Variants in PGAP2 observed in about 807,000 individuals in gnomAD.
PGAP2 encodes the protein acyltransferase PGAP2.
A neutral mutation model predicts 33.2 loss-of-function variants in PGAP2; 21 were observed. The ratio of observed to expected loss-of-function variants is 0.63; its 90% confidence interval spans 0.45 to 0.91. The LOEUF is 0.91. Among genes scored for constraint, PGAP2 ranks in the 40% least tolerant of loss-of-function variants. The probability of loss-of-function intolerance (pLI) is 0.00; values close to 1 mark genes in which losing one functional copy is unlikely to be tolerated. For missense variants in PGAP2, 345 were observed against 424.0 expected (o/e 0.81, Z 1.64); for synonymous variants, 161 against 172.9 (o/e 0.93, Z 0.54).
intron 2 of PGAP2, among the ~76,000 whole-genome samples, chr11:3,815,485 A>C (rs2086808245): frequency 6.6e-6 from 1 of 151,844 alleles, no homozygotes; most frequent in South Asian, 2.1e-4. Context: ...AACTTTTTGT[A>C]TTTTAGTAGT....
At chr11:3,809,005 G>A (rs2085015449) in intron 1 of PGAP2, among the ~76,000 whole-genome samples, 1 of 152,164 alleles carries the variant, frequency 6.6e-6, no homozygotes, top group South Asian at 2.1e-4. Context: ...TTGAGTAAGT[G>A]TTTTGAACCT....
intron 2 of PGAP2, among the ~76,000 whole-genome samples, chr11:3,814,697 GC>G (rs1223713089): frequency 6.6e-6 from 1 of 151,666 alleles, no homozygotes; most frequent in African/African-American, 2.4e-5. Context: ...ACAGGCTTGA[GC>G]CACTGTGCCT....
At chr11:3,808,738 C>A in intron 1 of PGAP2, 87 bp downstream of exon 1, 2 of 658,786 alleles carry the variant, frequency 3.0e-6, no homozygotes, top group African/African-American at 1.9e-5. Flanking sequence ...GGGCCGGGCC[C>A]CACGCTGTGG....
At chr11:3,816,007 A>G (rs2134607455) in intron 2 of PGAP2, among the ~76,000 whole-genome samples, 1 of 152,196 alleles carries the variant, frequency 6.6e-6, no homozygotes, top group South Asian at 2.1e-4. Context: ...TGCCCCCATC[A>G]CTGGCAAAGA....
chr11:3,798,052 C>G, intron 1 of PGAP2: 2 of 1,521,340 alleles, frequency 1.3e-6, no homozygotes, highest in Non-Finnish European at 1.8e-6. Context: ...TCTCTCTGCC[C>G]GCACTTCCCG....
At chr11:3,797,934 G>T (rs897839598) in exon 1 of PGAP2, 2 of 1,548,112 alleles carry the variant, frequency 1.3e-6, no homozygotes, top group Admixed American at 2.0e-5. Context: ...GCCGCGACTC[G>T]GGCTGAGGGA....
intron 1 of PGAP2, among the ~76,000 whole-genome samples, chr11:3,803,538 G>A (rs1014417852): frequency 2.6e-4 from 39 of 149,906 alleles, no homozygotes; most frequent in African/African-American, 9.1e-4. Context: ...AGCAATTCTC[G>A]TTCCTCAGCC....
In PGAP2 at chr11:3,824,394, CG is replaced by C; in HGVS notation, c.708+23del. On this transcript the variant is annotated intron_variant, in intron 5 of 6. Coordinates refer to ENST00000278243, the MANE Select transcript of PGAP2 (RefSeq NM_014489.4). ...GTCAGGAGGTACGGTCTATCCCTAGCGGGGGCTCCAAGGCAGCCCAGAAGAA... is the reference window on the plus strand; with the variant it reads ...GTCAGGAGGTACGGTCTATCCCTAGCGGGGCTCCAAGGCAGCCCAGAAGAA... The C allele has an allele frequency of 6.2e-7, 1 of 1,614,112 alleles. No individual in the cohort carries two copies. The highest frequency in any genetic ancestry group is 1.1e-5 in the South Asian group (1 of 91,084).
chr11:3,810,817 C>G (rs1409513733), intron 1 of PGAP2, among the ~76,000 whole-genome samples: 1 of 152,178 alleles, frequency 6.6e-6, no homozygotes, highest in Non-Finnish European at 1.5e-5. Flanking sequence ...TGATGAGAGG[C>G]CTTGAAGCCT....
chr11:3,799,372 T>C (rs1425430289), intron 1 of PGAP2, among the ~76,000 whole-genome samples: 1 of 151,856 alleles, frequency 6.6e-6, no homozygotes, highest in Non-Finnish European at 1.5e-5. Flanking sequence ...ACCCTGTCTC[T>C]ACTAAGAATA....
chr11:3,820,176 C>G (rs1349282375), intron 3 of PGAP2, among the ~76,000 whole-genome samples: 2 of 152,168 alleles, frequency 1.3e-5, no homozygotes, highest in African/African-American at 2.4e-5. Flanking sequence ...CTGACTAACT[C>G]AACTCAGAGT....
chr11:3,807,767 C>T (rs72844340), upstream of PGAP2, among the ~76,000 whole-genome samples: 14,137 of 152,260 alleles, frequency 0.093, 841 homozygotes, highest in Middle Eastern at 0.15. Flanking sequence ...TGCAGATGCT[C>T]TGACTACCCA....
At chr11:3,812,134 G>A (rs989294677) in intron 2 of PGAP2, among the ~76,000 whole-genome samples, 2 of 152,016 alleles carry the variant, frequency 1.3e-5, no homozygotes, top group Non-Finnish European at 2.9e-5. Flanking sequence ...CAGGAAGAAA[G>A]ATGTAAGACC....
Position 3,823,936 on chromosome 11 carries a change from G to A in PGAP2, c.402G>A (p.Gln134=). The A allele has an allele frequency of 1.2e-6, 2 of 1,604,414 alleles. No individual in the cohort carries two copies. Among genetic ancestry groups the A allele is most frequent in the Non-Finnish European group, 8.5e-7 (1 of 1,179,914 alleles). The change falls in exon 4 of 7, where the codon CAG becomes CAA. Residue 134 remains glutamine, a synonymous_variant. Coordinates refer to ENST00000278243, the MANE Select transcript of PGAP2 (RefSeq NM_014489.4). The part of the protein sequence containing the change: ...VSSAIGGEVP[Q]RYVWRFCIGL... ...CAGCCATCGGCGGGGAGGTGCCCCA[G>A]CGCTACGTGTGGCGTTTCTGCATCG...
At chr11:3,819,785 T>C (rs973939700) in intron 3 of PGAP2, among the ~76,000 whole-genome samples, 1 of 152,108 alleles carries the variant, frequency 6.6e-6, no homozygotes, top group African/African-American at 2.4e-5. Flanking sequence ...GGGGAACTTG[T>C]GTGCTGGAAT....
At chr11:3,798,180 C>A in intron 1 of PGAP2, 1 of 1,336,848 alleles carries the variant, frequency 7.5e-7, no homozygotes, top group Non-Finnish European at 9.7e-7. Context: ...CCCATGCTCG[C>A]CCCAGCACTT....
At chr11:3,808,122 C>A, upstream of PGAP2, 1 of 1,463,344 alleles carries the variant, frequency 6.8e-7, no homozygotes, top group Non-Finnish European at 9.1e-7. Flanking sequence ...CCCCAACCGC[C>A]CTGACGAGCA....
At chr11:3,803,024 C>T (rs2134158697) in intron 1 of PGAP2, among the ~76,000 whole-genome samples, 1 of 146,178 alleles carries the variant, frequency 6.8e-6, no homozygotes, top group Non-Finnish European at 1.5e-5. Flanking sequence ...GACAGAGTCT[C>T]ACTCTGTCAC....
intron 5 of PGAP2, 154 bp from the exon 6 acceptor site, chr11:3,824,866 C>T (rs2089726268): frequency 1.2e-5 from 18 of 1,455,652 alleles, no homozygotes; most frequent in Non-Finnish European, 1.4e-5. Context: ...AACACATAGT[C>T]GTCATTCTTG....
Sources: gnomAD v4.1 joint callset for allele counts (sites outside exome capture counted in the v4.1 genomes callset) on GRCh38, gnomAD v4.1.1 for gene constraint, MANE v1.5 for transcripts, NCBI Gene and HGNC (gene_info 2026-07-23, HGNC 2026-07-21) for gene names.